Variants in ATP6V0A1 observed in about 807,000 individuals in gnomAD.
ATP6V0A1 encodes ATPase H+ transporting V0 subunit a1, also known as V-type proton ATPase 116 kDa subunit a 1.
A neutral mutation model predicts 105.4 loss-of-function variants in ATP6V0A1; 43 were observed. The ratio of observed to expected loss-of-function variants is 0.41; its 90% CI spans 0.32 to 0.53. The LOEUF (loss-of-function observed/expected upper bound fraction) is 0.53, where lower values mean the gene tolerates loss of function less well. Among genes scored for constraint, ATP6V0A1 ranks in the 20% least tolerant of loss-of-function variants. ATP6V0A1 has a pLI of 0.30. For missense variants in ATP6V0A1, 676 were observed against 1,051.1 expected, an observed-to-expected ratio of 0.64 and a Z score of 4.93; for synonymous variants, 362 against 372.8, an observed-to-expected ratio of 0.97 and a Z score of 0.33.
At chr17:42,497,300 CAAA>C (rs1220778376) in intron 14 of ATP6V0A1, among the ~76,000 whole-genome samples, 9 of 57,542 alleles carry the variant, frequency 1.6e-4, no homozygotes, top group Admixed American at 2.0e-4. Flanking sequence ...GACCCTGTCT[CAAA>C]AAAAAAAAAA....
intron 10 of ATP6V0A1, among the ~76,000 whole-genome samples, chr17:42,489,854 G>GA (rs1211195257): frequency 1.3e-5 from 2 of 151,612 alleles, no homozygotes; most frequent in South Asian, 2.1e-4. Context: ...GTCATAGAGA[G>GA]AAAAAAAAGG....
intron 8 of ATP6V0A1, among the ~76,000 whole-genome samples, chr17:42,482,174 TCTCA>T (rs1252412454): frequency 2.0e-5 from 3 of 151,858 alleles, no homozygotes; most frequent in Admixed American, 2.0e-4. Context: ...TGAGGCAGGG[TCTCA>T]CTCTGTTGCC....
At chr17:42,479,438 G>A (rs2089212730) in intron 7 of ATP6V0A1, among the ~76,000 whole-genome samples, 1 of 152,234 alleles carries the variant, frequency 6.6e-6, no homozygotes, top group African/African-American at 2.4e-5. Context: ...ATGGGACAGA[G>A]TTTATCGTCT....
chr17:42,483,371 G>A (rs766068403), intron 9 of ATP6V0A1, among the ~76,000 whole-genome samples: 2 of 151,952 alleles, frequency 1.3e-5, no homozygotes, highest in South Asian at 4.1e-4. Flanking sequence ...AATCGTTGTT[G>A]CCTAGCATAT....
rs535459750 is a variant in ATP6V0A1, at chr17:42,472,202, C to T, written c.423+1984C>T. ...CCGAGTAGCTGGGATTACAGGTGCTCACCACCACCCCCAGCTAATTTTTGT... is the reference window on the plus strand; with the variant it reads ...CCGAGTAGCTGGGATTACAGGTGCTTACCACCACCCCCAGCTAATTTTTGT... On this transcript the variant is annotated intron_variant, in intron 5 of 21. Transcript: ENST00000343619. Among the ~76,000 whole-genome samples, 6 of 151,702 alleles carry T rather than the reference C, an allele frequency of 4.0e-5. No homozygotes were observed. In the South Asian group the frequency reaches 1.3e-3, roughly 32 times the overall value.
In ATP6V0A1 at chr17:42,521,555, A is replaced by C. The variant is rs2092832804; in HGVS notation, c.*435A>C. ...AGGAGTAGTGGGGGGAGTAATACAG[A>C]TTCTTCCCTAGAAGGGGACACTGGT... On this transcript the variant is annotated 3_prime_UTR_variant, in exon 22 of 22. Coordinates refer to ENST00000343619, the MANE Select transcript of ATP6V0A1 (RefSeq NM_001130021.3). This position sits in a 1 kb window ranked among gnomAD's most constrained non-coding sequence, Gnocchi z 4.8. The C allele has an allele frequency of 6.5e-6, 1 of 153,226 alleles. No homozygotes were observed. Among genetic ancestry groups the C allele is most frequent in the Non-Finnish European group, 1.5e-5 (1 of 68,724 alleles). The allele number at this position is 153,226 out of a possible 1,614,324, so 9.5% of individuals were successfully genotyped here. A position where few individuals can be genotyped will look rare whatever the true frequency, so the allele number is the denominator to read the frequency against.
chr17:42,472,458 C>G (rs1486015142), intron 5 of ATP6V0A1, among the ~76,000 whole-genome samples: 2 of 151,968 alleles, frequency 1.3e-5, no homozygotes, highest in Admixed American at 6.5e-5. Flanking sequence ...GGCGCGGTGG[C>G]TAACGCCTAT....
intron 17 of ATP6V0A1, among the ~76,000 whole-genome samples, chr17:42,505,002 G>A (rs2091926017): frequency 6.6e-6 from 1 of 151,202 alleles, no homozygotes; most frequent in African/African-American, 2.4e-5. Context: ...TTAAAAGTTA[G>A]TGTATCTTGA....
intron 5 of ATP6V0A1, among the ~76,000 whole-genome samples, chr17:42,472,051 C>CCT (rs2088031955): frequency 7.7e-6 from 1 of 129,946 alleles, no homozygotes; most frequent in South Asian, 2.6e-4. Context: ...TATAGAGGCC[C>CCT]TTTTTTTTTT....
intron 17 of ATP6V0A1, among the ~76,000 whole-genome samples, chr17:42,504,915 A>C (rs1185865959): frequency 1.3e-5 from 2 of 152,166 alleles, no homozygotes; most frequent in African/African-American, 4.8e-5. Flanking sequence ...TGTGTGCTCT[A>C]TGCATCTAGA....
At chr17:42,513,180 C>T (rs1290690780) in intron 19 of ATP6V0A1, among the ~76,000 whole-genome samples, 2 of 152,142 alleles carry the variant, frequency 1.3e-5, no homozygotes, top group Non-Finnish European at 2.9e-5. Context: ...TTAGTCTTAA[C>T]CCAAACAGAT....
intron 5 of ATP6V0A1, among the ~76,000 whole-genome samples, chr17:42,473,733 T>C (rs570972372): frequency 6.6e-6 from 1 of 152,344 alleles, no homozygotes; most frequent in East Asian, 1.9e-4. Flanking sequence ...TATGGTTCAT[T>C]TTTGGAGAAA....
At chr17:42,495,508 T>C (rs2091070244) in intron 13 of ATP6V0A1, 118 bp from the exon 14 acceptor site, 1 of 792,576 alleles carries the variant, frequency 1.3e-6, no homozygotes, top group Non-Finnish European at 2.0e-6. Context: ...ATTTTTCCCC[T>C]CCCATTTTAT....
chr17:42,497,572 G>T (rs1237734882), intron 14 of ATP6V0A1, among the ~76,000 whole-genome samples: 3 of 151,082 alleles, frequency 2.0e-5, no homozygotes, highest in African/African-American at 4.9e-5. Context: ...TACTCGGGAA[G>T]TTGAGGCAGA....
At chr17:42,463,730 A>C (rs2086709328) in intron 2 of ATP6V0A1, among the ~76,000 whole-genome samples, 2 of 152,328 alleles carry the variant, frequency 1.3e-5, no homozygotes, top group South Asian at 4.1e-4. Context: ...CTCCCCATGC[A>C]GTCAAAAATC....
At chr17:42,469,415 C>T (rs1450370444) in intron 4 of ATP6V0A1, among the ~76,000 whole-genome samples, 11 of 150,796 alleles carry the variant, frequency 7.3e-5, no homozygotes, top group Non-Finnish European at 1.6e-4. Context: ...ACTGCAACCT[C>T]CGCCTCCCGG....
chr17:42,501,157 C>T (rs2091636856), intron 16 of ATP6V0A1, 40 bp from the exon 17 acceptor site: 2 of 1,531,922 alleles, frequency 1.3e-6, no homozygotes, highest in South Asian at 1.1e-5. Flanking sequence ...GATCGGTAGA[C>T]TTTTATATGA....
intron 10 of ATP6V0A1, among the ~76,000 whole-genome samples, chr17:42,488,692 G>A (rs2090338199): frequency 6.6e-6 from 1 of 151,950 alleles, no homozygotes; most frequent in South Asian, 2.1e-4. Flanking sequence ...CAAATTCCTG[G>A]GCTCGAGTGA....
intron 10 of ATP6V0A1, among the ~76,000 whole-genome samples, chr17:42,490,009 G>C (rs1002461281): frequency 6.6e-6 from 1 of 152,216 alleles, no homozygotes; most frequent in African/African-American, 2.4e-5. Context: ...GCATGGGGGA[G>C]AGAAGCTCTT....
Sources: gnomAD v4.1 joint callset for allele counts (sites outside exome capture counted in the v4.1 genomes callset) on GRCh38, gnomAD v4.1.1 for gene constraint, Gnocchi (gnomAD v3.1) non-coding constraint, MANE v1.5 for transcripts, NCBI Gene and HGNC (gene_info 2026-07-23, HGNC 2026-07-21) for gene names.